NFATC3: variants seen among roughly 807,000 people sequenced by gnomAD.
NFATC3 encodes nuclear factor of activated T-cells, cytoplasmic 3.
A neutral mutation model predicts 98.6 loss-of-function variants in NFATC3; 46 were observed. That is an observed-to-expected ratio of 0.47 (90% CI 0.37 to 0.60). The LOEUF is 0.60. NFATC3 is among the 20% of genes least tolerant of loss of function. The pLI is 0.00. For synonymous variants in NFATC3, 512 were observed against 472.2 expected, an observed-to-expected ratio of 1.08 and a Z score of -1.09; for missense variants, 1,256 against 1,295.5, an observed-to-expected ratio of 0.97 and a Z score of 0.47.
chr16:68,228,642 TAA>T lies in NFATC3; in HGVS notation c.*2172_*2173del, dbSNP rs968473093. The T allele has an allele frequency of 3.3e-5, 5 of 152,662 alleles. No homozygotes were observed. Among genetic ancestry groups the T allele is most frequent in the Non-Finnish European group, 5.9e-5 (4 of 68,048 alleles). 9.5% of individuals were successfully genotyped at this position (152,662 alleles called of 1,614,324 possible). On this transcript the variant is annotated 3_prime_UTR_variant, in exon 10 of 10. Transcript: ENST00000346183. ...ATCAGCTTTGTAAAAGCTTTGGTGTTAAGAGTCAATATTTTTTGGCTTTGTAG... is the reference window on the plus strand; with the variant it reads ...ATCAGCTTTGTAAAAGCTTTGGTGTTGAGTCAATATTTTTTGGCTTTGTAG...
chr16:68,103,474 G>A (rs1269290158), intron 1 of NFATC3, among the ~76,000 whole-genome samples: 5 of 152,104 alleles, frequency 3.3e-5, no homozygotes, highest in African/African-American at 9.7e-5. Context: ...CCTCCCAAAG[G>A]GTTGGGATTA....
intron 4 of NFATC3, among the ~76,000 whole-genome samples, chr16:68,164,878 C>T (rs1277359420): frequency 6.6e-6 from 1 of 151,608 alleles, no homozygotes; most frequent in African/African-American, 2.4e-5. Context: ...GACTCAGTCT[C>T]AAAAAAATTT....
intron 1 of NFATC3, among the ~76,000 whole-genome samples, chr16:68,112,622 ATTTCT>A (rs1176859926): frequency 1.1e-5 from 1 of 91,380 alleles, no homozygotes; most frequent in Non-Finnish European, 2.3e-5. Flanking sequence ...GGTTTTGTTC[ATTTCT>A]TTTCATTTTT....
intron 1 of NFATC3, among the ~76,000 whole-genome samples, chr16:68,102,328 C>T (rs1299030065): frequency 1.5e-5 from 2 of 131,932 alleles, no homozygotes; most frequent in African/African-American, 2.9e-5. Context: ...GCCGAGATTG[C>T]ACTACTGCAC....
intron 9 of NFATC3, chr16:68,200,216 C>G (rs1413363405): frequency 1.3e-5 from 2 of 151,758 alleles, no homozygotes; most frequent in African/African-American, 4.8e-5. Context: ...TTTAAGTTCC[C>G]TTTCATAGTG....
chr16:68,226,232 C>A, intron 9 of NFATC3, 118 bp from the exon 10 acceptor site: 1 of 1,265,112 alleles, frequency 7.9e-7, no homozygotes, highest in Non-Finnish European at 1.1e-6. Context: ...TCAGACACTG[C>A]CTTTATCTTT....
At chr16:68,175,816 C>G (rs1237405323) in intron 6 of NFATC3, among the ~76,000 whole-genome samples, 1 of 149,320 alleles carries the variant, frequency 6.7e-6, no homozygotes, top group Non-Finnish European at 1.5e-5. Context: ...CCACCTCAGC[C>G]TCCCAAAGTG....
chr16:68,221,437 T>A, intron 9 of NFATC3: 1 of 1,407,566 alleles, frequency 7.1e-7, no homozygotes, highest in African/African-American at 1.4e-5. Flanking sequence ...AAAATTTATA[T>A]TCAGTGCTCA....
intron 1 of NFATC3, among the ~76,000 whole-genome samples, chr16:68,092,276 T>C (rs920535508): frequency 1.2e-4 from 17 of 144,156 alleles, no homozygotes; most frequent in Non-Finnish European, 2.0e-4. Context: ...GCCAACATGA[T>C]GAAACCCTGT....
At chr16:68,191,978 G>A in intron 9 of NFATC3, 2 of 554,264 alleles carry the variant, frequency 3.6e-6, no homozygotes, top group South Asian at 4.2e-5. Context: ...GAAGGCTGAG[G>A]CGGGTGGATC....
Position 68,150,788 on chromosome 16 carries a change from T to G in NFATC3, c.1402-7081T>G, listed in dbSNP as rs148478305. On this transcript the variant is annotated intron_variant, in intron 3 of 9. Transcript: ENST00000346183. ...GGCCAGATGGGGGTAATTGAATCAC[T>G]GGGGTGGCTTCCCCATGCTGTTCTC... 1.1e-4 allele frequency among the ~76,000 whole-genome samples: 17 copies of G among 152,298 alleles called. No individual in the cohort carries two copies. The East Asian group carries it at 3.3e-3, about 29-fold the overall frequency.
intron 3 of NFATC3, among the ~76,000 whole-genome samples, chr16:68,150,749 CGT>C (rs1028185084): frequency 5.9e-5 from 9 of 152,282 alleles, no homozygotes; most frequent in Admixed American, 5.9e-4. Flanking sequence ...ATAATTCCCA[CGT>C]GTGAAGGGAG....
At chr16:68,171,519 G>T (rs148232745) in intron 5 of NFATC3, among the ~76,000 whole-genome samples, 3 of 151,310 alleles carry the variant, frequency 2.0e-5, no homozygotes, top group Admixed American at 1.3e-4. Context: ...TGTTGCCCAG[G>T]CTGGAGTGCA....
At chr16:68,092,734 A>C (rs1598342767) in intron 1 of NFATC3, among the ~76,000 whole-genome samples, 2 of 152,200 alleles carry the variant, frequency 1.3e-5, no homozygotes. Flanking sequence ...CTTAAAAACA[A>C]AAACAAACTG....
chr16:68,174,485 C>T lies in NFATC3; in HGVS notation c.1886C>T (p.Ser629Phe). 2 of 1,601,358 alleles carry T rather than the reference C, an allele frequency of 1.2e-6. No homozygotes were observed. Among genetic ancestry groups the T allele is most frequent in the Non-Finnish European group, 8.5e-7 (1 of 1,174,740 alleles). ...VVTGSNFLPE[S>F]KIIFLEKGQD... ...ACTGGATCTAATTTTCTTCCAGAAT[C>T]CAAAATCATTTTTCTTGAAAAAGGA... The change falls in exon 6 of 10, where the codon TCC becomes TTC. Residue 629 changes from serine to phenylalanine, a missense_variant. Transcript: ENST00000346183.
chr16:68,172,612 C>G (rs2151608900), intron 5 of NFATC3, among the ~76,000 whole-genome samples: 1 of 152,086 alleles, frequency 6.6e-6, no homozygotes, highest in East Asian at 1.9e-4. Flanking sequence ...AAGACCCTGT[C>G]TCTACAAAAA....
At chr16:68,182,054 A>G (rs2039970984) in intron 7 of NFATC3, among the ~76,000 whole-genome samples, 1 of 152,230 alleles carries the variant, frequency 6.6e-6, no homozygotes, top group South Asian at 2.1e-4. Flanking sequence ...GGGAAGGAGA[A>G]ACTAGAAATG....
At chr16:68,129,146 T>C (rs1317462668) in intron 3 of NFATC3, among the ~76,000 whole-genome samples, 1 of 152,038 alleles carries the variant, frequency 6.6e-6, no homozygotes, top group Non-Finnish European at 1.5e-5. Context: ...GCGCCTGTAG[T>C]CCCAGCTCTT....
chr16:68,118,298 C>G (rs1167980488), intron 1 of NFATC3, among the ~76,000 whole-genome samples: 1 of 152,166 alleles, frequency 6.6e-6, no homozygotes, highest in Non-Finnish European at 1.5e-5. Context: ...GTAGCACTTA[C>G]CATTTTTAAT....
Sources: allele counts gnomAD v4.1 joint callset (sites outside exome capture counted in the v4.1 genomes callset), GRCh38; gene constraint gnomAD v4.1.1; transcripts MANE v1.5; gene names NCBI Gene and HGNC (gene_info 2026-07-23, HGNC 2026-07-21).